Variants in CABLES1 observed in about 807,000 individuals in gnomAD.
The protein encoded by CABLES1 is Cdk5 and Abl enzyme substrate 1.
CABLES1 carries 36 observed loss-of-function variants against 57.8 expected under a neutral mutation model. The ratio of observed to expected loss-of-function variants is 0.62; its 90% confidence interval spans 0.48 to 0.82. The LOEUF (loss-of-function observed/expected upper bound fraction) is 0.82, where lower values mean the gene tolerates loss of function less well. Ranked by LOEUF, CABLES1 falls within the 40% of genes least tolerant of loss-of-function variation. The pLI is 0.00. For missense variants in CABLES1, 767 were observed against 836.6 expected (o/e 0.92, Z 1.03); for synonymous variants, 374 against 363.0 (o/e 1.03, Z -0.35).
Position 23,155,835 on chromosome 18 carries a change from C to A in CABLES1, c.845+19228C>A. On this transcript the variant is annotated intron_variant, in intron 1 of 9. Coordinates refer to ENST00000256925, the MANE Select transcript of CABLES1 (RefSeq NM_001100619.3). ...CTTGCTTAGCCTCCAGGCCATTTTT[C>A]TTCCTGGTGTTTGAATGACTCATAA... 4 of 1,608,246 alleles carry A rather than the reference C, an allele frequency of 2.5e-6. No individual in the cohort carries two copies. In the South Asian group the frequency reaches 4.4e-5, roughly 18 times the overall value.
intron 3 of CABLES1, among the ~76,000 whole-genome samples, chr18:23,198,766 A>G (rs991069859): frequency 4.6e-5 from 7 of 152,312 alleles, no homozygotes; most frequent in Admixed American, 1.3e-4. Context: ...AAGAAAACCA[A>G]TTCTCCCTAC....
chr18:23,254,344 T>G (rs2048112519), intron 9 of CABLES1, among the ~76,000 whole-genome samples: 1 of 152,194 alleles, frequency 6.6e-6, no homozygotes, highest in Non-Finnish European at 1.5e-5. Context: ...GGGAAAGGCG[T>G]GAGTTTGACA....
intron 4 of CABLES1, among the ~76,000 whole-genome samples, chr18:23,233,025 A>AC (rs2047577708): frequency 1.3e-5 from 2 of 152,090 alleles, no homozygotes; most frequent in Non-Finnish European, 2.9e-5. Flanking sequence ...GTAGGAGATG[A>AC]CCCCTGAATA....
intron 1 of CABLES1, among the ~76,000 whole-genome samples, chr18:23,138,918 A>G (rs79305752): frequency 0.012 from 1,863 of 152,332 alleles, 48 homozygotes; most frequent in African/African-American, 0.043. Context: ...CACTGGGAGC[A>G]GTTAGAAATG....
intron 1 of CABLES1, among the ~76,000 whole-genome samples, chr18:23,167,621 C>CA (rs2047052333): frequency 6.6e-6 from 1 of 152,086 alleles, no homozygotes; most frequent in Non-Finnish European, 1.5e-5. Flanking sequence ...ATATGAGTTA[C>CA]AGCCCTGGAC....
chr18:23,212,112 TGGCAGCA>T (rs2047409403), intron 3 of CABLES1, among the ~76,000 whole-genome samples: 3 of 152,262 alleles, frequency 2.0e-5, no homozygotes, highest in African/African-American at 7.2e-5. Context: ...TCAGCTGTCC[TGGCAGCA>T]CTGCCTTTCA....
At chr18:23,252,939 G>C (rs1340444890) in intron 7 of CABLES1, 21 bp from the exon 8 acceptor site, 2 of 1,508,984 alleles carry the variant, frequency 1.3e-6, no homozygotes, top group Non-Finnish European at 1.8e-6. Context: ...GGAGTGATCC[G>C]TGTTCCCCTG....
chr18:23,148,821 T>C (rs1356166422), intron 1 of CABLES1, among the ~76,000 whole-genome samples: 1 of 152,110 alleles, frequency 6.6e-6, no homozygotes, highest in Non-Finnish European at 1.5e-5. Context: ...AGACTTTGAA[T>C]AGGCACAGGT....
intron 4 of CABLES1, among the ~76,000 whole-genome samples, chr18:23,230,577 G>A (rs2047560404): frequency 6.6e-6 from 1 of 152,168 alleles, no homozygotes; most frequent in Non-Finnish European, 1.5e-5. Context: ...CTGCCATCAC[G>A]AAGCTGTCAG....
intron 4 of CABLES1, among the ~76,000 whole-genome samples, chr18:23,217,946 C>T (rs2047454275): frequency 6.6e-6 from 1 of 152,242 alleles, no homozygotes; most frequent in Non-Finnish European, 1.5e-5. Flanking sequence ...GAATTTGGGA[C>T]CCGGGCTGCC....
chr18:23,256,448 G>A (rs1031479245), intron 9 of CABLES1, among the ~76,000 whole-genome samples: 3 of 152,182 alleles, frequency 2.0e-5, no homozygotes, highest in South Asian at 4.1e-4. Context: ...AACTTACCAC[G>A]TGGTTTTTAT....
Position 23,253,712 on chromosome 18 carries a change from T to C in CABLES1, c.1554-17T>C. On this transcript the variant is annotated splice_polypyrimidine_tract_variant and intron_variant, in intron 8 of 9. Coordinates refer to ENST00000256925, the MANE Select transcript of CABLES1 (RefSeq NM_001100619.3). The stretch of plus-strand genomic sequence containing the variant: ...AAGTTTTCACAAGACTGTTCCCTCT[T>C]GCCTGTCTTTCTCCAGTCTGAAACG... 6.2e-7 allele frequency: 1 copy of C among 1,610,728 alleles called. No individual in the cohort carries two copies. Among genetic ancestry groups the C allele is most frequent in the Non-Finnish European group, 8.5e-7 (1 of 1,177,312 alleles).
At chr18:23,230,835 A>C (rs1197342429) in intron 4 of CABLES1, among the ~76,000 whole-genome samples, 2 of 152,174 alleles carry the variant, frequency 1.3e-5, no homozygotes, top group Non-Finnish European at 2.9e-5. Context: ...TGGGGAACAC[A>C]TGCTGGTTGT....
chr18:23,166,853 A>G (rs1372522637), intron 1 of CABLES1, among the ~76,000 whole-genome samples: 1 of 152,188 alleles, frequency 6.6e-6, no homozygotes. Context: ...TGCTCCATTC[A>G]TAAGAGCAGA....
chr18:23,233,590 G>A (rs2047581567), intron 4 of CABLES1, among the ~76,000 whole-genome samples: 1 of 152,238 alleles, frequency 6.6e-6, no homozygotes, highest in Non-Finnish European at 1.5e-5. Context: ...GCTCACACCT[G>A]TAATCCCAGC....
At chr18:23,141,824 A>G (rs1334019691) in intron 1 of CABLES1, among the ~76,000 whole-genome samples, 2 of 152,210 alleles carry the variant, frequency 1.3e-5, no homozygotes, top group Non-Finnish European at 2.9e-5. Context: ...CCACGTGCTC[A>G]GTAGCTTTCC....
intron 1 of CABLES1, 116 bp downstream of exon 1, chr18:23,136,723 G>A (rs2046825281): frequency 4.6e-6 from 3 of 659,010 alleles, no homozygotes; most frequent in Non-Finnish European, 6.7e-6. Flanking sequence ...GCGCCCTGCC[G>A]GATCCTGTGC....
At position 23,237,184 on chromosome 18, in the gene CABLES1, T is replaced by G. The variant is rs777467325; in HGVS notation, c.1385T>G (p.Leu462Trp). 1.9e-6 allele frequency: 3 copies of G among 1,613,840 alleles called. No individual in the cohort carries two copies. Among genetic ancestry groups the G allele is most frequent in the Non-Finnish European group, 2.5e-6 (3 of 1,179,814 alleles). ...GDFMDYDPNL[L>W]DDPQWPCGKH... is the part of the protein sequence containing the mutation. ...TTTATGGACTATGACCCAAATCTCT[T>G]GGATGACCCCCAGTGGCCTTGTGGC... is the stretch of plus-strand genomic sequence containing the variant. Residue 462 changes from leucine to tryptophan, a missense_variant, in exon 7 of 10, where the codon TTG becomes TGG. Physicochemically the swap from Leu to Trp is moderately conservative, Grantham distance 61. This residue lies in a region of CABLES1 where 529 missense variants were observed against 622.8 expected (regional missense o/e 0.85). Transcript: ENST00000256925.
intron 7 of CABLES1, among the ~76,000 whole-genome samples, chr18:23,246,652 A>G (rs554576231): frequency 2.2e-4 from 33 of 151,204 alleles, no homozygotes; most frequent in Admixed American, 5.3e-4. Context: ...TGGCCTCCCA[A>G]AGTGCTGGGA....
Sources: allele counts gnomAD v4.1 joint callset (sites outside exome capture counted in the v4.1 genomes callset), GRCh38; gene constraint gnomAD v4.1.1; regional missense constraint gnomAD v4.1.1; transcripts MANE v1.5; gene names NCBI Gene and HGNC (gene_info 2026-07-23, HGNC 2026-07-21).